The following KIAA0040 variants were observed in gnomAD, a reference collection of about 807,000 sequenced individuals.
KIAA0040 encodes KIAA0040.
In KIAA0040, 10 loss-of-function variants were observed where a neutral mutation model predicts 7.2. That is an observed-to-expected ratio of 1.38 (90% CI 0.85 to 2.34). The LOEUF is 2.34. KIAA0040 is among the 30% of genes most tolerant of loss of function. KIAA0040 has a pLI of 0.00. For missense variants in KIAA0040, 89 were observed against 108.2 expected (o/e 0.82, Z 0.79); for synonymous variants, 49 against 40.1 (o/e 1.22, Z -0.84).
intron 1 of KIAA0040, among the ~76,000 whole-genome samples, chr1:175,182,304 C>A (rs1424520453): frequency 6.6e-6 from 1 of 152,194 alleles, no homozygotes; most frequent in East Asian, 1.9e-4. Flanking sequence ...CTCACCCCAA[C>A]TACATTTTAT....
intron 3 of KIAA0040, among the ~76,000 whole-genome samples, chr1:175,164,982 A>G (rs964983083): frequency 1.3e-5 from 2 of 152,198 alleles, no homozygotes; most frequent in Non-Finnish European, 1.5e-5. Flanking sequence ...TAATTCATCT[A>G]TTTTTGTAAG....
In KIAA0040 at chr1:175,161,108, C is replaced by T; in HGVS notation, c.-95G>A. 1 of 1,220,112 alleles carries T rather than the reference C, an allele frequency of 8.2e-7. No homozygotes were observed. Among genetic ancestry groups the T allele is most frequent in the Non-Finnish European group, 1.1e-6 (1 of 888,260 alleles). 75.6% of individuals were successfully genotyped at this position (1,220,112 alleles called of 1,614,324 possible). On this transcript the variant is annotated 5_prime_UTR_variant, in exon 4 of 4. Transcript: ENST00000423313. ...AACCTTGACCACTTGTAATTTATTCCTCTTCCAGCTTTGGGTTTGGGCATG... is the reference window on the plus strand; with the variant it reads ...AACCTTGACCACTTGTAATTTATTCTTCTTCCAGCTTTGGGTTTGGGCATG...
chr1:175,182,169 T>C (rs752741610), intron 1 of KIAA0040, among the ~76,000 whole-genome samples: 2 of 152,192 alleles, frequency 1.3e-5, no homozygotes, highest in Non-Finnish European at 2.9e-5. Flanking sequence ...TGATGACATA[T>C]TGGGCTTAAG....
At chr1:175,178,657 A>C (rs2101899190) in intron 1 of KIAA0040, among the ~76,000 whole-genome samples, 1 of 152,302 alleles carries the variant, frequency 6.6e-6, no homozygotes. Flanking sequence ...ACCTTAGAGC[A>C]CTGAAGTCCT....
chr1:175,167,367 A>G (rs1676805065), intron 2 of KIAA0040, among the ~76,000 whole-genome samples: 1 of 152,222 alleles, frequency 6.6e-6, no homozygotes. Context: ...GTCTGGAAAC[A>G]TAGGCAAACA....
intron 3 of KIAA0040, among the ~76,000 whole-genome samples, chr1:175,163,690 C>T (rs1676638738): frequency 6.6e-6 from 1 of 152,240 alleles, no homozygotes; most frequent in Admixed American, 6.5e-5. Context: ...TCTTTCTGCT[C>T]TGTTGTGGAA....
chr1:175,175,245 A>T (rs935657211), intron 2 of KIAA0040, among the ~76,000 whole-genome samples: 3 of 152,188 alleles, frequency 2.0e-5, no homozygotes, highest in East Asian at 3.8e-4. Context: ...AAGTTGCATA[A>T]TTCTATGCAG....
chr1:175,162,004 C>T (rs2101875116), intron 3 of KIAA0040, among the ~76,000 whole-genome samples: 1 of 152,268 alleles, frequency 6.6e-6, no homozygotes, highest in East Asian at 1.9e-4. Context: ...AGTGAGGTTC[C>T]TGGGTGCCTC....
intron 1 of KIAA0040, among the ~76,000 whole-genome samples, chr1:175,186,608 G>A (rs1020037337): frequency 6.6e-6 from 1 of 152,164 alleles, no homozygotes; most frequent in Non-Finnish European, 1.5e-5. Flanking sequence ...GCCAGCTTTG[G>A]GAAGCTGTGC....
At chr1:175,163,064 T>A (rs1230394428) in intron 3 of KIAA0040, among the ~76,000 whole-genome samples, 1 of 152,124 alleles carries the variant, frequency 6.6e-6, no homozygotes, top group East Asian at 1.9e-4. Context: ...ACACGGTGAG[T>A]GAGTGCCAGA....
chr1:175,158,693 G>A lies in KIAA0040; in HGVS notation c.*2021C>T, dbSNP rs973847987. On this transcript the variant is annotated 3_prime_UTR_variant, in exon 4 of 4. Transcript: ENST00000423313. ...CCATGACAAACTCTCTATGTGACAA[G>A]GGGATAGAGAACCAGAGTGCTTCTT... is the stretch of plus-strand genomic sequence containing the variant. 2.6e-5 allele frequency: 4 copies of A among 152,256 alleles called. No individual in the cohort carries two copies. Among genetic ancestry groups the A allele is most frequent in the Non-Finnish European group, 5.9e-5 (4 of 68,066 alleles). The allele number at this position is 152,256 out of a possible 1,614,324, so 9.4% of individuals were successfully genotyped here.
At chr1:175,187,673 A>G (rs183478295) in intron 1 of KIAA0040, among the ~76,000 whole-genome samples, 121 of 152,254 alleles carry the variant, frequency 7.9e-4, no homozygotes, top group African/African-American at 2.8e-3. Context: ...TTCCCATAAC[A>G]CTAAGCTCAT....
chr1:175,169,782 C>T (rs1676913061), intron 2 of KIAA0040, among the ~76,000 whole-genome samples: 1 of 152,006 alleles, frequency 6.6e-6, no homozygotes, highest in Non-Finnish European at 1.5e-5. Flanking sequence ...GATACACTTC[C>T]TTCCCCTCTC....
In KIAA0040 at chr1:175,169,868, C is replaced by T. The variant is rs112171759; in HGVS notation, c.-309-3131G>A. On this transcript the variant is annotated intron_variant, in intron 2 of 3. Transcript: ENST00000423313. ...TTCCTCACCCCGACGACAAACTGCCCTTTTGTCTTTTCCTACTTTCCCTTT... is the reference window on the plus strand; with the variant it reads ...TTCCTCACCCCGACGACAAACTGCCTTTTTGTCTTTTCCTACTTTCCCTTT... Among the ~76,000 whole-genome samples the T allele has an allele frequency of 2.5e-3, 385 of 152,256 alleles. 4 individuals carry two copies. Among genetic ancestry groups the T allele is most frequent in the African/African-American group, 9.0e-3 (373 of 41,536 alleles).
At chr1:175,171,180 G>T (rs993464755) in intron 2 of KIAA0040, among the ~76,000 whole-genome samples, 1 of 152,172 alleles carries the variant, frequency 6.6e-6, no homozygotes, top group Non-Finnish European at 1.5e-5. Context: ...AATGGAGTAT[G>T]GTTATCTAAT....
rs1011770267 is a variant in KIAA0040 at position 175,159,160 on chromosome 1, C to T, written c.*1554G>A. 1 of 152,516 alleles carries T rather than the reference C, an allele frequency of 6.6e-6. No homozygotes were observed. The highest frequency in any genetic ancestry group is 1.9e-4 in the East Asian group (1 of 5,202). 9.4% of individuals were successfully genotyped at this position (152,516 alleles called of 1,614,324 possible). A position where few individuals can be genotyped will look rare whatever the true frequency, so the allele number is the denominator to read the frequency against. On this transcript the variant is annotated 3_prime_UTR_variant, in exon 4 of 4. Coordinates refer to ENST00000423313, the MANE Select transcript of KIAA0040 (RefSeq NM_014656.3). ...TGCTCCCAAGGAGTGAATTGTCCAT[C>T]TTTGTAATACAGTCACAATACAATA... is the stretch of plus-strand genomic sequence containing the variant.
intron 3 of KIAA0040, 42 bp from the exon 4 acceptor site, chr1:175,161,188 G>T (rs1231796772): frequency 3.5e-6 from 2 of 563,898 alleles, no homozygotes; most frequent in East Asian, 6.1e-5. Flanking sequence ...AATGCAGGGG[G>T]ACTGGTCTAC....
chr1:175,192,455 C>A lies in KIAA0040; in HGVS notation c.-384+185G>T, dbSNP rs1475372677. Among the ~76,000 whole-genome samples, 3 of 152,030 alleles carry A rather than the reference C, an allele frequency of 2.0e-5. No individual in the cohort carries two copies. The South Asian group carries it at 6.2e-4, about 32-fold the overall frequency. On this transcript the variant is annotated intron_variant, in intron 1 of 3. Transcript: ENST00000423313. ...AGAGGAAGACTCCTGAGAGTCCTCG[C>A]GAAGGAGGGAAACACACCAGAACTA...
At chr1:175,191,523 G>T (rs79859870) in intron 1 of KIAA0040, among the ~76,000 whole-genome samples, 1,821 of 152,356 alleles carry the variant, frequency 0.012, 39 homozygotes, top group African/African-American at 0.042. Flanking sequence ...TGAAGGGCAG[G>T]CACATCAGAC....
Sources: gnomAD v4.1 joint callset for allele counts (sites outside exome capture counted in the v4.1 genomes callset) on GRCh38, gnomAD v4.1.1 for gene constraint, MANE v1.5 for transcripts, NCBI Gene and HGNC (gene_info 2026-07-23, HGNC 2026-07-21) for gene names.